SDK1: variants seen among roughly 807,000 people sequenced by gnomAD.
The protein encoded by SDK1 is sidekick cell adhesion molecule 1, also known as protein sidekick-1.
SDK1 carries 157 observed loss-of-function variants against 245.5 expected under a neutral mutation model. The ratio of observed to expected loss-of-function variants is 0.64; its 90% CI spans 0.56 to 0.73. The LOEUF is 0.73. SDK1 is among the 30% of genes least tolerant of loss of function. The pLI is 0.00. For missense variants in SDK1, 3,583 were observed against 3,002.3 expected, an observed-to-expected ratio of 1.19 and a Z score of -4.52; for synonymous variants, 1,647 against 1,278.5, an observed-to-expected ratio of 1.29 and a Z score of -6.15.
At chr7:3,975,685 T>C (rs1402600299) in intron 13 of SDK1, among the ~76,000 whole-genome samples, 1 of 152,244 alleles carries the variant, frequency 6.6e-6, no homozygotes. Context: ...AGGTTCACGA[T>C]GTGTAGCAGT....
At chr7:3,703,053 T>C (rs1784783119) in intron 4 of SDK1, among the ~76,000 whole-genome samples, 1 of 131,422 alleles carries the variant, frequency 7.6e-6, no homozygotes, top group Admixed American at 7.8e-5. Flanking sequence ...AATGCGAGAC[T>C]CTGTCTCAAA....
At chr7:3,622,645 A>G (rs1583238259) in intron 2 of SDK1, among the ~76,000 whole-genome samples, 2 of 152,342 alleles carry the variant, frequency 1.3e-5, no homozygotes, top group African/African-American at 2.4e-5. Context: ...GAGCCCTTGC[A>G]TATGTATTTG....
chr7:3,738,111 G>T (rs576884238), intron 4 of SDK1, among the ~76,000 whole-genome samples: 2 of 152,274 alleles, frequency 1.3e-5, no homozygotes, highest in East Asian at 3.9e-4. Context: ...TTACATCCAA[G>T]AAATCACTGC....
At chr7:3,998,292 A>G (rs1162700644) in intron 14 of SDK1, among the ~76,000 whole-genome samples, 1 of 152,230 alleles carries the variant, frequency 6.6e-6, no homozygotes, top group African/African-American at 2.4e-5. Flanking sequence ...TCCCTGCAAC[A>G]GCTGGCATGA....
At chr7:3,704,253 A>G (rs898687652) in intron 4 of SDK1, among the ~76,000 whole-genome samples, 7 of 151,652 alleles carry the variant, frequency 4.6e-5, no homozygotes, top group Non-Finnish European at 8.8e-5. Context: ...GTAGTATTCT[A>G]TGGTGTATAT....
intron 44 of SDK1, among the ~76,000 whole-genome samples, chr7:4,248,346 GCACA>G (rs1293881535): frequency 1.1e-5 from 1 of 92,852 alleles, no homozygotes; most frequent in East Asian, 2.1e-4. Context: ...CTGAATACAT[GCACA>G]CACACGTTTA....
intron 35 of SDK1, among the ~76,000 whole-genome samples, chr7:4,198,916 C>A (rs1441796150): frequency 6.6e-6 from 1 of 151,768 alleles, no homozygotes; most frequent in Non-Finnish European, 1.5e-5. Flanking sequence ...CTGGTTCCTG[C>A]CATTCTCCTG....
chr7:4,107,514 G>A (rs1276145921), intron 22 of SDK1, among the ~76,000 whole-genome samples: 4 of 149,240 alleles, frequency 2.7e-5, no homozygotes, highest in South Asian at 2.1e-4. Context: ...CAAACAAAAC[G>A]TATTCTCCAT....
intron 1 of SDK1, among the ~76,000 whole-genome samples, chr7:3,478,881 G>A (rs1458253194): frequency 3.3e-5 from 5 of 151,954 alleles, no homozygotes; most frequent in Middle Eastern, 3.4e-3. Context: ...AATATATGGT[G>A]TTTTTATTAT....
chr7:3,764,363 T>C (rs573606569), intron 4 of SDK1, among the ~76,000 whole-genome samples: 1 of 152,272 alleles, frequency 6.6e-6, no homozygotes, highest in South Asian at 2.1e-4. Flanking sequence ...GGCCCTATTA[T>C]TCTCCTGCGA....
At chr7:3,707,294 A>G (rs1326594036) in intron 4 of SDK1, among the ~76,000 whole-genome samples, 2 of 152,168 alleles carry the variant, frequency 1.3e-5, no homozygotes, top group Non-Finnish European at 2.9e-5. Context: ...TTCCATCTTG[A>G]TTTCATTGTC....
At chr7:3,960,833 A>G (rs183180655) in intron 8 of SDK1, among the ~76,000 whole-genome samples, 6 of 152,314 alleles carry the variant, frequency 3.9e-5, no homozygotes, top group South Asian at 2.1e-4. Context: ...TTTCTTGTGT[A>G]GGTGCCAGCT....
At chr7:3,360,600 G>T (rs1780925094) in intron 1 of SDK1, among the ~76,000 whole-genome samples, 2 of 152,148 alleles carry the variant, frequency 1.3e-5, no homozygotes, top group South Asian at 4.1e-4. Context: ...TCTTTCCCAG[G>T]TGTTTTAAAT....
At chr7:3,552,578 C>T (rs1454479908) in intron 1 of SDK1, among the ~76,000 whole-genome samples, 1 of 151,998 alleles carries the variant, frequency 6.6e-6, no homozygotes, top group Non-Finnish European at 1.5e-5. Flanking sequence ...TTTGCTGGAC[C>T]ACGTTTTAGA....
chr7:4,072,076 C>A (rs1423432922), intron 20 of SDK1, among the ~76,000 whole-genome samples: 2 of 152,228 alleles, frequency 1.3e-5, no homozygotes, highest in Non-Finnish European at 2.9e-5. Context: ...AATTTATGAT[C>A]GTCTGTTTCA....
intron 5 of SDK1, among the ~76,000 whole-genome samples, chr7:3,922,922 T>A (rs1017517957): frequency 2.0e-5 from 3 of 152,266 alleles, no homozygotes; most frequent in African/African-American, 7.2e-5. Context: ...TCTTCCATTT[T>A]GCTTATCTTT....
intron 12 of SDK1, 84 bp downstream of exon 12, chr7:3,971,652 TG>T (rs1216860199): frequency 2.0e-6 from 2 of 1,023,328 alleles, no homozygotes; most frequent in African/African-American, 1.6e-5. Flanking sequence ...GAGGAAGAAT[TG>T]GGGGAACTTT....
At chr7:3,942,218 T>G (rs963883578) in intron 5 of SDK1, among the ~76,000 whole-genome samples, 6 of 152,340 alleles carry the variant, frequency 3.9e-5, no homozygotes, top group Admixed American at 3.9e-4. Flanking sequence ...GACTTCAGTC[T>G]TCTCTCAGCA....
intron 19 of SDK1, among the ~76,000 whole-genome samples, chr7:4,061,785 T>C (rs1480864662): frequency 6.6e-6 from 1 of 151,868 alleles, no homozygotes; most frequent in Non-Finnish European, 1.5e-5. Flanking sequence ...ATATACACCA[T>C]GGAATACTAT....
Sources: gnomAD v4.1 joint callset for allele counts (sites outside exome capture counted in the v4.1 genomes callset) on GRCh38, gnomAD v4.1.1 for gene constraint, MANE v1.5 for transcripts, NCBI Gene and HGNC (gene_info 2026-07-23, HGNC 2026-07-21) for gene names.